Variants in EXOC6 observed in about 807,000 individuals in gnomAD.
EXOC6 encodes the protein SEC15-like 1.
EXOC6 carries 60 observed loss-of-function variants against 112.5 expected under a neutral mutation model. The observed-to-expected ratio is 0.53, with a 90% confidence interval of 0.43 to 0.66. EXOC6 has a LOEUF of 0.66. Among genes scored for constraint, EXOC6 ranks in the 30% least tolerant of loss-of-function variants. The pLI is 0.00. For missense variants in EXOC6, 855 were observed against 957.1 expected (o/e 0.89, Z 1.41); for synonymous variants, 295 against 308.0 (o/e 0.96, Z 0.44).
chr10:92,993,062 G>T (rs1843339316), intron 18 of EXOC6, among the ~76,000 whole-genome samples: 1 of 151,912 alleles, frequency 6.6e-6, no homozygotes, highest in South Asian at 2.1e-4. Context: ...GTTAATTTAG[G>T]TAACTTTAAA....
At chr10:93,014,086 G>C in intron 19 of EXOC6, 108 bp from the exon 20 acceptor site, 1 of 789,722 alleles carries the variant, frequency 1.3e-6, no homozygotes, top group Non-Finnish European at 2.0e-6. Flanking sequence ...AAATGATTAT[G>C]TGTAAATATT....
intron 1 of EXOC6, among the ~76,000 whole-genome samples, chr10:92,860,265 CTTTTTTTTTTT>C (rs35900396): frequency 2.3e-5 from 2 of 88,000 alleles, no homozygotes; most frequent in African/African-American, 4.7e-5. Flanking sequence ...ATCTCCACAA[CTTTTTTTTTTT>C]TTTTTTTTTT....
At chr10:92,907,940 G>A (rs1589808845) in intron 5 of EXOC6, among the ~76,000 whole-genome samples, 1 of 151,716 alleles carries the variant, frequency 6.6e-6, no homozygotes, top group African/African-American at 2.4e-5. Flanking sequence ...AATTTAGATG[G>A]TCTAATTTTT....
intron 6 of EXOC6, among the ~76,000 whole-genome samples, chr10:92,913,531 C>T (rs1429219682): frequency 2.0e-5 from 3 of 152,206 alleles, no homozygotes; most frequent in African/African-American, 7.2e-5. Context: ...TTGGAATATA[C>T]TAGGTGTTCA....
chr10:92,987,037 G>A (rs1173339743), intron 18 of EXOC6, among the ~76,000 whole-genome samples: 1 of 152,114 alleles, frequency 6.6e-6, no homozygotes, highest in Non-Finnish European at 1.5e-5. Context: ...AGCAGATTAT[G>A]TGAAGAAGTA....
intron 1 of EXOC6, among the ~76,000 whole-genome samples, chr10:92,880,461 AG>A (rs1477328098): frequency 6.6e-6 from 1 of 152,132 alleles, no homozygotes; most frequent in East Asian, 1.9e-4. Flanking sequence ...TTTTTGGTAA[AG>A]GGTGCCCTCT....
rs550512696 is a variant in EXOC6, at chr10:92,886,367, G to A, written c.102-6982G>A. ...TGTTGCATTTGTAATTTAAAACTGC[G>A]TAACTATTAGCTATGCCTCAGTTAT... On this transcript the variant is annotated intron_variant, in intron 1 of 21. Transcript: ENST00000260762. Among the ~76,000 whole-genome samples the A allele has an allele frequency of 2.6e-5, 4 of 152,250 alleles. No individual in the cohort carries two copies. In the East Asian group the frequency reaches 7.7e-4, roughly 29 times the overall value.
chr10:93,034,558 A>T (rs1461007991), intron 20 of EXOC6, among the ~76,000 whole-genome samples: 1 of 152,242 alleles, frequency 6.6e-6, no homozygotes, highest in African/African-American at 2.4e-5. Context: ...GTCTAAAGGG[A>T]CATGAACAAG....
chr10:92,901,275 G>T (rs1440349194), intron 5 of EXOC6: 1 of 152,100 alleles, frequency 6.6e-6, no homozygotes, highest in African/African-American at 2.4e-5. Flanking sequence ...TTTTCACCCA[G>T]TAGTTTTATC....
intron 8 of EXOC6, 47 bp from the exon 9 acceptor site, chr10:92,928,290 GTA>G (rs751097667): frequency 4.0e-6 from 4 of 993,122 alleles, no homozygotes; most frequent in South Asian, 1.4e-5. Context: ...TGTTTTAGTT[GTA>G]TGTGTGTGTA....
chr10:92,984,236 C>G (rs912427716), intron 18 of EXOC6, among the ~76,000 whole-genome samples: 16 of 152,194 alleles, frequency 1.1e-4, no homozygotes, highest in South Asian at 2.1e-4. Context: ...AATTATACTC[C>G]ATTATTTAAT....
chr10:92,903,091 C>A (rs1850260732), intron 5 of EXOC6, among the ~76,000 whole-genome samples: 1 of 151,814 alleles, frequency 6.6e-6, no homozygotes, highest in African/African-American at 2.4e-5. Flanking sequence ...TAAATGAATG[C>A]TACACTTTTT....
At chr10:92,895,670 G>A (rs1849710474) in intron 4 of EXOC6, among the ~76,000 whole-genome samples, 1 of 151,706 alleles carries the variant, frequency 6.6e-6, no homozygotes, top group Non-Finnish European at 1.5e-5. Context: ...AAGGAAGCAG[G>A]TATATGACTT....
chr10:92,953,872 A>G (rs1408808471), intron 15 of EXOC6, among the ~76,000 whole-genome samples: 1 of 152,248 alleles, frequency 6.6e-6, no homozygotes, highest in Admixed American at 6.5e-5. Context: ...GAAAATGGAT[A>G]ACTTAGTTAT....
chr10:92,848,726 C>G (rs1422040384), intron 1 of EXOC6, 92 bp downstream of exon 1: 34 of 1,048,166 alleles, frequency 3.2e-5, no homozygotes, highest in East Asian at 6.1e-5. Context: ...CGGCCGCGCG[C>G]GAAGCTCCCC....
chr10:92,841,650 GTGA>G (rs1267268888), intron 1 of EXOC6, among the ~76,000 whole-genome samples: 1 of 152,126 alleles, frequency 6.6e-6, no homozygotes, highest in Non-Finnish European at 1.5e-5. Flanking sequence ...CATTAGCTAT[GTGA>G]TGTTTATTGC....
intron 5 of EXOC6, chr10:92,900,067 GTAATT>G (rs1258157633): frequency 6.4e-6 from 1 of 155,376 alleles, no homozygotes; most frequent in Non-Finnish European, 1.4e-5. Flanking sequence ...GAAAAAGAAA[GTAATT>G]TAAAGTAGTT....
chr10:92,896,169 ATATATATATATATTTTTTTTTT>A (rs1849788997), intron 4 of EXOC6, among the ~76,000 whole-genome samples: 22 of 24,592 alleles, frequency 8.9e-4, no homozygotes, highest in African/African-American at 4.5e-3. Flanking sequence ...ATATATATAT[ATATATATATATATTTTTTTTTT>A]TTTTTTTTTT....
At chr10:92,877,778 CT>C (rs1260325714) in intron 1 of EXOC6, among the ~76,000 whole-genome samples, 1 of 151,936 alleles carries the variant, frequency 6.6e-6, no homozygotes. Context: ...AATTCTTTGT[CT>C]TTTGAAAAAC....
Sources: gnomAD v4.1 joint callset for allele counts (sites outside exome capture counted in the v4.1 genomes callset) on GRCh38, gnomAD v4.1.1 for gene constraint, MANE v1.5 for transcripts, NCBI Gene and HGNC (gene_info 2026-07-23, HGNC 2026-07-21) for gene names.